The following PTN variants were observed in gnomAD, a reference collection of about 807,000 sequenced individuals.
PTN encodes heparin affin regulatory protein.
PTN carries 18 observed loss-of-function variants against 24.1 expected under a neutral mutation model. The ratio of observed to expected loss-of-function variants is 0.75; its 90% confidence interval spans 0.52 to 1.11. PTN has a LOEUF of 1.11. Among genes scored for constraint, PTN ranks in the 50% least tolerant of loss-of-function variants. The pLI, the probability that PTN is intolerant of heterozygous loss-of-function variation, is 0.00. For synonymous variants in PTN, 78 were observed against 68.6 expected (o/e 1.14, Z -0.67); for missense variants, 163 against 198.8 (o/e 0.82, Z 1.08).
intron 1 of PTN, among the ~76,000 whole-genome samples, chr7:137,340,425 T>C (rs1810516075): frequency 6.6e-6 from 1 of 152,218 alleles, no homozygotes; most frequent in Admixed American, 6.5e-5. Context: ...TAGACTGGCT[T>C]GAAGTGGATG....
At chr7:137,267,744 G>A (rs1488804778) in intron 1 of PTN, among the ~76,000 whole-genome samples, 1 of 151,960 alleles carries the variant, frequency 6.6e-6, no homozygotes, top group East Asian at 1.9e-4. Context: ...GGTAAAAAGG[G>A]CACACACACA....
intron 4 of PTN, among the ~76,000 whole-genome samples, chr7:137,238,847 C>T (rs1455693011): frequency 6.6e-6 from 1 of 152,132 alleles, no homozygotes; most frequent in African/African-American, 2.4e-5. Flanking sequence ...TACACTTTTA[C>T]AATACTCAAT....
At chr7:137,266,826 A>G (rs1308037065) in intron 1 of PTN, among the ~76,000 whole-genome samples, 1 of 150,038 alleles carries the variant, frequency 6.7e-6, no homozygotes, top group East Asian at 2.0e-4. Flanking sequence ...TATTAATAAG[A>G]GCCTGTTTAG....
At chr7:137,252,601 C>T (rs1808847717) in intron 3 of PTN, among the ~76,000 whole-genome samples, 1 of 151,648 alleles carries the variant, frequency 6.6e-6, no homozygotes, top group East Asian at 1.9e-4. Context: ...TAAAAAATAC[C>T]CCAAAGATTA....
At chr7:137,324,433 A>AAAAAAAAAAAAATAT in intron 1 of PTN, among the ~76,000 whole-genome samples, 7 of 88,762 alleles carry the variant, frequency 7.9e-5, no homozygotes, top group African/African-American at 4.8e-4. Context: ...AAAAAAAAAA[A>AAAAAAAAAAAAATAT]ATATATATAT....
At chr7:137,324,067 G>A (rs187416687) in intron 1 of PTN, among the ~76,000 whole-genome samples, 1 of 152,112 alleles carries the variant, frequency 6.6e-6, no homozygotes, top group Admixed American at 6.5e-5. Context: ...GCCAGTTGTA[G>A]AGGCTGGTCT....
chr7:137,334,756 C>T lies in PTN; in HGVS notation c.-2+8683G>A, dbSNP rs572835459. On this transcript the variant is annotated intron_variant, in intron 1 of 4. Coordinates refer to ENST00000348225, the MANE Select transcript of PTN (RefSeq NM_002825.7). ...GACACATGCACATGTATGTTTATCG[C>T]GGCACTATTCACAATAGCAAAGACT... 1.2e-3 allele frequency among the ~76,000 whole-genome samples: 183 copies of T among 151,532 alleles called. 2 individuals carry two copies. In the Middle Eastern group the frequency reaches 0.02, roughly 17 times the overall value.
At chr7:137,291,230 G>T (rs1166363238) in intron 1 of PTN, among the ~76,000 whole-genome samples, 1 of 152,050 alleles carries the variant, frequency 6.6e-6, no homozygotes, top group African/African-American at 2.4e-5. Flanking sequence ...CCCATTTTTT[G>T]AAAGAAGTTA....
intron 1 of PTN, among the ~76,000 whole-genome samples, chr7:137,320,902 G>T (rs781385286): frequency 1.3e-5 from 2 of 152,120 alleles, no homozygotes; most frequent in Non-Finnish European, 2.9e-5. Flanking sequence ...TATTCATCTT[G>T]CCAAGCAAGC....
chr7:137,303,942 T>C (rs1327676432), intron 1 of PTN, among the ~76,000 whole-genome samples: 2 of 152,042 alleles, frequency 1.3e-5, no homozygotes, highest in South Asian at 2.1e-4. Context: ...AAAAATTTGA[T>C]GTGGCACAAT....
chr7:137,314,453 G>C lies in PTN; in HGVS notation c.-2+28986C>G, dbSNP rs1030273369. On this transcript the variant is annotated intron_variant, in intron 1 of 4. Transcript: ENST00000348225. ...TGCAAAGTTTACATGGCAGAAGCAA[G>C]TGAAAAGTGCCACAATATTAGACTC... Among the ~76,000 whole-genome samples, 7 of 152,176 alleles carry C rather than the reference G, an allele frequency of 4.6e-5. 1 individual carries two copies. Among genetic ancestry groups the C allele is most frequent in the African/African-American group, 1.7e-4 (7 of 41,444 alleles).
At chr7:137,327,522 C>G (rs902925540) in intron 1 of PTN, among the ~76,000 whole-genome samples, 1 of 152,146 alleles carries the variant, frequency 6.6e-6, no homozygotes, top group Non-Finnish European at 1.5e-5. Context: ...TGCCACCCTG[C>G]CTTTGAAAAT....
chr7:137,282,585 A>G lies in PTN; in HGVS notation c.-1-27611T>C, dbSNP rs139653677. 2.7e-3 allele frequency among the ~76,000 whole-genome samples: 411 copies of G among 152,206 alleles called. 3 individuals carry two copies. Among genetic ancestry groups the G allele is most frequent in the African/African-American group, 9.1e-3 (376 of 41,540 alleles). On this transcript the variant is annotated intron_variant, in intron 1 of 4. Coordinates refer to ENST00000348225, the MANE Select transcript of PTN (RefSeq NM_002825.7). ...TTGGAGGCCATTAAAAATATTTGAGATATAAAGAAAAAAAATGATGTAACT... is the reference window on the plus strand; with the variant it reads ...TTGGAGGCCATTAAAAATATTTGAGGTATAAAGAAAAAAAATGATGTAACT...
rs889308247 is a variant in PTN, at chr7:137,227,766, A to G, written c.*254T>C. 6 of 326,492 alleles carry G rather than the reference A, an allele frequency of 1.8e-5. No individual in the cohort carries two copies. The highest frequency in any genetic ancestry group is 4.3e-5 in the African/African-American group (2 of 46,834). The allele number at this position is 326,492 out of a possible 1,614,324, so 20.2% of individuals were successfully genotyped here. On this transcript the variant is annotated 3_prime_UTR_variant, in exon 5 of 5. Coordinates refer to ENST00000348225, the MANE Select transcript of PTN (RefSeq NM_002825.7). Reference sequence around the variant, plus strand: ...ACATAATTTCAAAAAACTTACCTCAATTGTCTATCATTTATCATGTACTAT... The same window carrying G: ...ACATAATTTCAAAAAACTTACCTCAGTTGTCTATCATTTATCATGTACTAT...
At chr7:137,279,492 T>C (rs1809429869) in intron 1 of PTN, among the ~76,000 whole-genome samples, 1 of 152,162 alleles carries the variant, frequency 6.6e-6, no homozygotes, top group African/African-American at 2.4e-5. Context: ...GAGCATAATT[T>C]TGAGTTTAGT....
intron 1 of PTN, among the ~76,000 whole-genome samples, chr7:137,281,711 T>C (rs1809477666): frequency 6.6e-6 from 1 of 152,162 alleles, no homozygotes; most frequent in Non-Finnish European, 1.5e-5. Context: ...GCCCAACTTC[T>C]TCAAATAAGT....
rs1808352133 is a variant in PTN, at chr7:137,227,444, T to C, written c.*576A>G. The C allele has an allele frequency of 6.6e-6, 1 of 150,724 alleles. No individual in the cohort carries two copies. Among genetic ancestry groups the C allele is most frequent in the East Asian group, 2.0e-4 (1 of 5,114 alleles). 9.3% of individuals were successfully genotyped at this position (150,724 alleles called of 1,614,324 possible). A position where few individuals can be genotyped will look rare whatever the true frequency, so the allele number is the denominator to read the frequency against. On this transcript the variant is annotated 3_prime_UTR_variant, in exon 5 of 5. Transcript: ENST00000348225. ...AAATGCTTCTGCCAAAGTGAAAGAA[T>C]TTTATGTCTTAATGCTTTTCTTTAA... is the stretch of plus-strand genomic sequence containing the variant.
intron 1 of PTN, among the ~76,000 whole-genome samples, chr7:137,330,142 C>G (rs373865193): frequency 6.6e-6 from 1 of 151,992 alleles, no homozygotes; most frequent in African/African-American, 2.4e-5. Flanking sequence ...CAAAAATTAG[C>G]TAGGTGTGGT....
At chr7:137,278,948 T>TAAC (rs1809417308) in intron 1 of PTN, among the ~76,000 whole-genome samples, 3 of 64,168 alleles carry the variant, frequency 4.7e-5, no homozygotes, top group African/African-American at 1.7e-4. Context: ...CTCAGAACAA[T>TAAC]AATAATAATA....
Sources: allele counts gnomAD v4.1 joint callset (sites outside exome capture counted in the v4.1 genomes callset), GRCh38; gene constraint gnomAD v4.1.1; transcripts MANE v1.5; gene names NCBI Gene and HGNC (gene_info 2026-07-23, HGNC 2026-07-21).